Variants in PRKN observed in about 807,000 individuals in gnomAD.
PRKN encodes the protein parkin RBR E3 ubiquitin protein ligase.
In PRKN, 56 loss-of-function variants were observed where a neutral mutation model predicts 59.5. The ratio of observed to expected loss-of-function variants is 0.94; its 90% confidence interval spans 0.76 to 1.18. PRKN has a LOEUF of 1.18. Ranked by LOEUF, PRKN falls within the 50% of genes most tolerant of loss-of-function variation. The pLI is 0.00. For synonymous variants in PRKN, 250 were observed against 222.1 expected (o/e 1.13, Z -1.12); for missense variants, 657 against 596.4 (o/e 1.10, Z -1.06).
At chr6:162,262,441 T>A in intron 3 of PRKN, 84 bp downstream of exon 3, 3 of 1,525,590 alleles carry the variant, frequency 2.0e-6, no homozygotes, top group South Asian at 1.1e-5. Flanking sequence ...AAACTAAATA[T>A]GCACCCGGTG....
chr6:161,504,459 TGAGTC>T (rs1778076970), intron 9 of PRKN, among the ~76,000 whole-genome samples: 2 of 152,038 alleles, frequency 1.3e-5, no homozygotes, highest in Admixed American at 1.3e-4. Flanking sequence ...CTGTACTGAC[TGAGTC>T]ATGTTACAAG....
intron 7 of PRKN, among the ~76,000 whole-genome samples, chr6:161,761,645 G>C (rs1227559327): frequency 1.5e-4 from 23 of 152,192 alleles, no homozygotes; most frequent in Admixed American, 1.5e-3. Flanking sequence ...ATTCTGAAAT[G>C]TTAAAGGAAA....
At chr6:162,704,168 G>A (rs1778257770) in intron 1 of PRKN, among the ~76,000 whole-genome samples, 1 of 152,192 alleles carries the variant, frequency 6.6e-6, no homozygotes. Flanking sequence ...AATAGCTGGA[G>A]CTGGCCATGC....
rs546165843 is a variant in PRKN at position 161,533,914 on chromosome 6, T to C, written c.1083+14940A>G. Among the ~76,000 whole-genome samples, 1 of 152,176 alleles carries C rather than the reference T, an allele frequency of 6.6e-6. No homozygotes were observed. The highest frequency in any genetic ancestry group is 1.5e-5 in the Non-Finnish European group (1 of 68,032). ...AAGATAAACAGCGATTCCTGTTTTATAAGGTAGGAAGGCTGTATATTCACA... is the reference window on the plus strand; with the variant it reads ...AAGATAAACAGCGATTCCTGTTTTACAAGGTAGGAAGGCTGTATATTCACA... On this transcript the variant is annotated intron_variant, in intron 9 of 11. Coordinates refer to ENST00000366898, the MANE Select transcript of PRKN (RefSeq NM_004562.3). The surrounding 1 kb of genome is among the most constrained non-coding windows in gnomAD (Gnocchi z 4.1).
intron 3 of PRKN, among the ~76,000 whole-genome samples, chr6:162,203,310 A>T (rs1255407665): frequency 6.6e-6 from 1 of 152,112 alleles, no homozygotes; most frequent in Non-Finnish European, 1.5e-5. Flanking sequence ...AGCATACAAG[A>T]TGACATGCAA....
chr6:161,751,685 G>C (rs900350606), intron 7 of PRKN, among the ~76,000 whole-genome samples: 16 of 152,194 alleles, frequency 1.1e-4, no homozygotes, highest in Admixed American at 3.3e-4. Flanking sequence ...GGAGAATTCA[G>C]CTGTGAGCCA....
At chr6:161,727,464 T>G (rs2128187182) in intron 7 of PRKN, among the ~76,000 whole-genome samples, 1 of 152,294 alleles carries the variant, frequency 6.6e-6, no homozygotes, top group Middle Eastern at 3.4e-3. Flanking sequence ...ATAACAAGGA[T>G]GTAATGGAAG....
At chr6:161,849,634 A>G (rs1793343232) in intron 6 of PRKN, among the ~76,000 whole-genome samples, 1 of 152,054 alleles carries the variant, frequency 6.6e-6, no homozygotes, top group South Asian at 2.1e-4. Context: ...TTTCTTTGTA[A>G]TGAATGTCCT....
chr6:161,394,929 T>A (rs1057032262), intron 9 of PRKN, among the ~76,000 whole-genome samples: 3 of 152,248 alleles, frequency 2.0e-5, no homozygotes, highest in African/African-American at 7.2e-5. Context: ...GAAAATAAAC[T>A]TAAAAATGTG....
intron 3 of PRKN, among the ~76,000 whole-genome samples, chr6:162,222,694 C>A (rs1191161944): frequency 6.6e-6 from 1 of 152,046 alleles, no homozygotes; most frequent in Non-Finnish European, 1.5e-5. Flanking sequence ...CGGGTCAGAC[C>A]TGAGGAAATG....
At chr6:161,871,352 G>A (rs1583275585) in intron 6 of PRKN, among the ~76,000 whole-genome samples, 1 of 152,002 alleles carries the variant, frequency 6.6e-6, no homozygotes, top group African/African-American at 2.4e-5. Flanking sequence ...TGAAGAAAGA[G>A]CCCTACTTTG....
chr6:162,519,470 C>CTT (rs1333035951), intron 1 of PRKN, among the ~76,000 whole-genome samples: 1 of 152,108 alleles, frequency 6.6e-6, no homozygotes, highest in Non-Finnish European at 1.5e-5. Context: ...GCCACAAACA[C>CTT]TTTGAGAAAC....
At chr6:162,167,049 T>C (rs1351127534) in intron 4 of PRKN, among the ~76,000 whole-genome samples, 1 of 152,172 alleles carries the variant, frequency 6.6e-6, no homozygotes, top group East Asian at 1.9e-4. Flanking sequence ...ATATAGGGAA[T>C]AGCATGCATA....
chr6:162,622,213 T>A (rs1336704317), intron 1 of PRKN, among the ~76,000 whole-genome samples: 1 of 152,238 alleles, frequency 6.6e-6, no homozygotes, highest in African/African-American at 2.4e-5. Context: ...ATCATACTTT[T>A]AATTTCCTGG....
rs1238421098 is a variant in PRKN at position 161,460,190 on chromosome 6, A to T, written c.1084-73313T>A. Among the ~76,000 whole-genome samples the T allele has an allele frequency of 1.3e-5, 2 of 152,244 alleles. No homozygotes were observed. Among genetic ancestry groups the T allele is most frequent in the African/African-American group, 4.8e-5 (2 of 41,454 alleles). ...TGGTAATACAACCAAAGTTTATAAT[A>T]GGAATATAATCCGTGTTATTTTAGG... On this transcript the variant is annotated intron_variant, in intron 9 of 11. Transcript: ENST00000366898. The surrounding 1 kb of genome is among the most constrained non-coding windows in gnomAD (Gnocchi z 5.0).
At chr6:161,975,719 G>C (rs887220993) in intron 5 of PRKN, among the ~76,000 whole-genome samples, 2 of 152,154 alleles carry the variant, frequency 1.3e-5, no homozygotes, top group African/African-American at 4.8e-5. Context: ...CAACTTGCCA[G>C]GTGATGTTGT....
At position 162,386,279 on chromosome 6, in the gene PRKN, G is replaced by A. The variant is rs980978000; in HGVS notation, c.171+57031C>T. Among the ~76,000 whole-genome samples the A allele has an allele frequency of 9.8e-5, 15 of 152,292 alleles. 1 individual carries two copies. The highest frequency in any genetic ancestry group is 3.6e-4 in the African/African-American group (15 of 41,572). On this transcript the variant is annotated intron_variant, in intron 2 of 11. Transcript: ENST00000366898. ...TTGCTAAATTTAACCGTGCCACAGT[G>A]TCTGTCTACTTCAAAACAGCACGTG...
chr6:162,377,031 G>A lies in PRKN; in HGVS notation c.171+66279C>T, dbSNP rs866522174. Reference sequence around the variant, plus strand: ...ACACAGTGCCCACTTAGCAGGAACCGCTGCAGCTACAGATGGGTCCCAAAT... The same window carrying A: ...ACACAGTGCCCACTTAGCAGGAACCACTGCAGCTACAGATGGGTCCCAAAT... On this transcript the variant is annotated intron_variant, in intron 2 of 11. Coordinates refer to ENST00000366898, the MANE Select transcript of PRKN (RefSeq NM_004562.3). Among the ~76,000 whole-genome samples, 4 of 152,024 alleles carry A rather than the reference G, an allele frequency of 2.6e-5. No individual in the cohort carries two copies. The East Asian group carries it at 5.8e-4, about 22-fold the overall frequency.
intron 7 of PRKN, among the ~76,000 whole-genome samples, chr6:161,760,072 C>CT (rs1194483307): frequency 2.5e-5 from 1 of 40,650 alleles, no homozygotes; most frequent in Non-Finnish European, 6.7e-5. Flanking sequence ...ACAGCTCGTT[C>CT]TTAAAAAAAA....
Sources: gnomAD v4.1 joint callset for allele counts (sites outside exome capture counted in the v4.1 genomes callset) on GRCh38, gnomAD v4.1.1 for gene constraint, Gnocchi (gnomAD v3.1) non-coding constraint, MANE v1.5 for transcripts, NCBI Gene and HGNC (gene_info 2026-07-23, HGNC 2026-07-21) for gene names.